PCDHGA2: variants seen among roughly 807,000 people sequenced by gnomAD.
The protein encoded by PCDHGA2 is protocadherin gamma subfamily A, 2, also known as protocadherin gamma-A2.
In PCDHGA2, 40 loss-of-function variants were observed where a neutral mutation model predicts 59.2. The observed-to-expected ratio is 0.68, with a 90% CI of 0.52 to 0.88. The LOEUF (loss-of-function observed/expected upper bound fraction) is 0.88, where lower values mean the gene tolerates loss of function less well. PCDHGA2 is among the 40% of genes least tolerant of loss of function. The probability of loss-of-function intolerance (pLI) is 0.00; values close to 1 mark genes in which losing one functional copy is unlikely to be tolerated. For synonymous variants in PCDHGA2, 560 were observed against 526.0 expected, an observed-to-expected ratio of 1.06 and a Z score of -0.89; for missense variants, 1,226 against 1,204.0, an observed-to-expected ratio of 1.02 and a Z score of -0.27.
chr5:141,428,430 GA>G, intron 1 of PCDHGA2: 1 of 421,748 alleles, frequency 2.4e-6, no homozygotes. Flanking sequence ...TCTGTTCTAA[GA>G]CTAGACCAGG....
At position 141,486,791 on chromosome 5, in the gene PCDHGA2, C is replaced by T. The variant is rs766519569; in HGVS notation, c.2425-8016C>T. 1.8e-5 allele frequency: 29 copies of T among 1,614,108 alleles called. No homozygotes were observed. The highest frequency in any genetic ancestry group is 2.2e-5 in the Non-Finnish European group (26 of 1,180,054). On this transcript the variant is annotated intron_variant, in intron 1 of 3. Coordinates refer to ENST00000394576, the MANE Select transcript of PCDHGA2 (RefSeq NM_018915.4). The surrounding 1 kb of genome is among the most constrained non-coding windows in gnomAD (Gnocchi z 5.0). ...GCAGTTTGAGGTGCAGGCCCGGGAT[C>T]GGGGCAACCCACCCCTTAGCAGCAC...
chr5:141,484,763 T>C (rs2099600495), intron 1 of PCDHGA2, among the ~76,000 whole-genome samples: 1 of 151,872 alleles, frequency 6.6e-6, no homozygotes, highest in East Asian at 1.9e-4. Flanking sequence ...TATATATATA[T>C]ATGTTGTCTG....
rs750876131 is a variant in PCDHGA2 at position 141,366,508 on chromosome 5, G to C, written c.2424+25113G>C. 2.5e-6 allele frequency: 4 copies of C among 1,614,144 alleles called. No individual in the cohort carries two copies. The African/African-American group carries it at 5.3e-5, about 22-fold the overall frequency. Reference sequence around the variant, plus strand: ...GCTGGCACAAGTCACGCCTGCTTCAGGCTGAAGGCAGCAGGTTGGCGGGTG... The same window carrying C: ...GCTGGCACAAGTCACGCCTGCTTCACGCTGAAGGCAGCAGGTTGGCGGGTG... On this transcript the variant is annotated intron_variant, in intron 1 of 3. Transcript: ENST00000394576.
At chr5:141,345,385 C>T in intron 1 of PCDHGA2, 2 of 1,614,162 alleles carry the variant, frequency 1.2e-6, no homozygotes, top group Non-Finnish European at 1.7e-6. Context: ...AACCCACCCA[C>T]CTTCCCTCAT....
intron 1 of PCDHGA2, among the ~76,000 whole-genome samples, chr5:141,437,919 G>A (rs2097917914): frequency 1.3e-5 from 2 of 152,078 alleles, no homozygotes; most frequent in Admixed American, 1.3e-4. Context: ...TGTATTTTTA[G>A]TAGAGATGGG....
chr5:141,472,779 A>C (rs908169292), intron 1 of PCDHGA2, among the ~76,000 whole-genome samples: 5 of 152,012 alleles, frequency 3.3e-5, no homozygotes, highest in Non-Finnish European at 7.4e-5. Context: ...TGAGGTTGGG[A>C]GTTCAAGATC....
Position 141,340,298 on chromosome 5 carries a change from G to C in PCDHGA2, c.1327G>C (p.Ala443Pro). Residue 443 changes from alanine (A) to proline (P), a missense_variant, in exon 1 of 4, where the codon GCA (alanine) becomes CCA (proline). Physicochemically the swap from Ala to Pro is conservative, Grantham distance 27 (BLOSUM62 -1). Coordinates refer to ENST00000394576, the MANE Select transcript of PCDHGA2 (RefSeq NM_018915.4). ...STDAHILLQV[A>P]DINDNAPAFS... Reference sequence around the variant, plus strand: ...GGATGCTCACATTTTGCTCCAGGTGGCAGACATCAACGACAACGCACCCGC... The same window carrying C: ...GGATGCTCACATTTTGCTCCAGGTGCCAGACATCAACGACAACGCACCCGC... The C allele has an allele frequency of 6.2e-7, 1 of 1,614,058 alleles. No homozygotes were observed. Among genetic ancestry groups the C allele is most frequent in the Non-Finnish European group, 8.5e-7 (1 of 1,180,014 alleles).
At chr5:141,464,189 C>T (rs1215955823) in intron 1 of PCDHGA2, among the ~76,000 whole-genome samples, 1 of 150,620 alleles carries the variant, frequency 6.6e-6, no homozygotes, top group Non-Finnish European at 1.5e-5. Context: ...TGCTTGATTT[C>T]AGGAGGCGGA....
At chr5:141,360,048 A>C in intron 1 of PCDHGA2, 2 of 1,434,382 alleles carry the variant, frequency 1.4e-6, no homozygotes, top group Non-Finnish European at 1.8e-6. Flanking sequence ...ACAGAAAACA[A>C]AAGCAGGAAA....
chr5:141,344,795 C>G (rs200798114), intron 1 of PCDHGA2: 1 of 1,613,938 alleles, frequency 6.2e-7, no homozygotes, highest in East Asian at 2.2e-5. Flanking sequence ...TTTGGGAGAA[C>G]GTGCCTGTGG....
At chr5:141,361,587 T>A in intron 1 of PCDHGA2, 1 of 1,614,028 alleles carries the variant, frequency 6.2e-7, no homozygotes, top group Non-Finnish European at 8.5e-7. Context: ...TGGGCCCCAG[T>A]GGCCAAGTTT....
At chr5:141,345,139 T>C (rs1757525041) in intron 1 of PCDHGA2, 1 of 1,613,902 alleles carries the variant, frequency 6.2e-7, no homozygotes, top group African/African-American at 1.3e-5. Flanking sequence ...ATTGCTCTTA[T>C]CGACGTGCAT....
chr5:141,341,062 G>A lies in PCDHGA2; in HGVS notation c.2091G>A (p.Val697=), dbSNP rs778636604. 1 of 1,614,218 alleles carries A rather than the reference G, an allele frequency of 6.2e-7. No individual in the cohort carries two copies. Among genetic ancestry groups the A allele is most frequent in the South Asian group, 1.1e-5 (1 of 91,084 alleles). The change falls in exon 1 of 4, where the codon GTG becomes GTA. Residue 697 remains valine, a synonymous_variant. Coordinates refer to ENST00000394576, the MANE Select transcript of PCDHGA2 (RefSeq NM_018915.4). ...TCACTCTGTACCTGGTGGTGGCGGT[G>A]GCCGCGGTCTCCTGCGTCTTCCTGG... ...SDLTLYLVVA[V]AAVSCVFLAF... is the part of the protein sequence containing the mutation.
intron 2 of PCDHGA2, 91 bp from the exon 3 acceptor site, chr5:141,505,302 G>T: frequency 6.3e-7 from 1 of 1,592,714 alleles, no homozygotes; most frequent in Non-Finnish European, 8.5e-7. Context: ...TAGGGTTAGG[G>T]TACTAGGTTT....
chr5:141,352,181 G>T (rs759155262), intron 1 of PCDHGA2: 1 of 1,613,744 alleles, frequency 6.2e-7, no homozygotes, highest in South Asian at 1.1e-5. Flanking sequence ...CCTGCTGGTC[G>T]CTGTGCGTGA....
chr5:141,389,509 C>A, intron 1 of PCDHGA2: 2 of 1,613,118 alleles, frequency 1.2e-6, no homozygotes, highest in Non-Finnish European at 8.5e-7. Flanking sequence ...GCGCTCAGCG[C>A]GAACGTGAGC....
In PCDHGA2 at chr5:141,339,019, G is replaced by T; in HGVS notation, c.48G>T (p.Leu16=). 1 of 1,590,598 alleles carries T rather than the reference G, an allele frequency of 6.3e-7. No individual in the cohort carries two copies. The highest frequency in any genetic ancestry group is 1.1e-5 in the South Asian group (1 of 89,300). Residue 16 remains leucine (L), a synonymous_variant, in exon 1 of 4, where the codon CTG becomes CTT. Coordinates refer to ENST00000394576, the MANE Select transcript of PCDHGA2 (RefSeq NM_018915.4). ...KLPHCRKLVL[L]CFLLATLWEA... The stretch of plus-strand genomic sequence containing the variant: ...CACACTGCAGAAAGCTGGTCCTGCT[G>T]TGCTTCCTTTTGGCGACCCTGTGGG...
intron 2 of PCDHGA2, among the ~76,000 whole-genome samples, chr5:141,501,728 C>A (rs1284130771): frequency 1.3e-5 from 2 of 152,134 alleles, no homozygotes; most frequent in East Asian, 1.9e-4. Flanking sequence ...ATATATTACC[C>A]AGTCAGCTTA....
Position 141,404,599 on chromosome 5 carries a change from A to G in PCDHGA2, c.2424+63204A>G. 2.5e-6 allele frequency: 4 copies of G among 1,613,988 alleles called. 1 individual carries two copies. In the East Asian group the frequency reaches 8.9e-5, roughly 36 times the overall value. ...CACTTAGCAGCAATGTGTCATTGAG[A>G]CTGTTTGTTTTGGACCAGAATGACA... is the stretch of plus-strand genomic sequence containing the variant. On this transcript the variant is annotated intron_variant, in intron 1 of 3. Coordinates refer to ENST00000394576, the MANE Select transcript of PCDHGA2 (RefSeq NM_018915.4).
Sources: gnomAD v4.1 joint callset for allele counts (sites outside exome capture counted in the v4.1 genomes callset) on GRCh38, gnomAD v4.1.1 for gene constraint, Gnocchi (gnomAD v3.1) non-coding constraint, MANE v1.5 for transcripts, NCBI Gene and HGNC (gene_info 2026-07-23, HGNC 2026-07-21) for gene names.